The following PTPRN2 variants were observed in gnomAD, a reference collection of about 807,000 sequenced individuals.
PTPRN2 encodes the protein protein tyrosine phosphatase receptor type N2, also known as receptor-type tyrosine-protein phosphatase N2.
PTPRN2 carries 74 observed loss-of-function variants against 118.8 expected under a neutral mutation model. The observed-to-expected ratio is 0.62, with a 90% CI of 0.52 to 0.76. PTPRN2 has a LOEUF of 0.76. Among genes scored for constraint, PTPRN2 ranks in the 30% least tolerant of loss-of-function variants. The pLI is 0.00. For synonymous variants in PTPRN2, 641 were observed against 608.0 expected (o/e 1.05, Z -0.80); for missense variants, 1,481 against 1,394.4 (o/e 1.06, Z -0.99).
chr7:158,538,120 G>A (rs574481807), intron 1 of PTPRN2, among the ~76,000 whole-genome samples: 3 of 152,222 alleles, frequency 2.0e-5, no homozygotes, highest in Non-Finnish European at 4.4e-5. Context: ...CTCTCTTCCG[G>A]ACGCTGGCGG....
intron 2 of PTPRN2, among the ~76,000 whole-genome samples, chr7:158,487,781 C>T (rs1821136998): frequency 6.6e-6 from 1 of 152,126 alleles, no homozygotes; most frequent in Non-Finnish European, 1.5e-5. Flanking sequence ...CTTCTCCTAT[C>T]GCTCCCCGTC....
At chr7:157,631,996 G>A (rs925561062) in intron 14 of PTPRN2, among the ~76,000 whole-genome samples, 2 of 152,166 alleles carry the variant, frequency 1.3e-5, no homozygotes, top group Non-Finnish European at 2.9e-5. Flanking sequence ...CGTACTTTCC[G>A]AAGAGCAAAG....
intron 12 of PTPRN2, among the ~76,000 whole-genome samples, chr7:157,793,857 T>G (rs1804682113): frequency 6.6e-6 from 1 of 152,070 alleles, no homozygotes; most frequent in African/African-American, 2.4e-5. Context: ...GAAGTCAATT[T>G]CCTCCTTTGC....
intron 2 of PTPRN2, among the ~76,000 whole-genome samples, chr7:158,424,745 G>A (rs1216470130): frequency 6.6e-6 from 1 of 151,920 alleles, no homozygotes; most frequent in Admixed American, 6.5e-5. Flanking sequence ...AGAACATCTG[G>A]GGACCTCGGG....
intron 12 of PTPRN2, among the ~76,000 whole-genome samples, chr7:157,692,190 G>T (rs1207722949): frequency 1.3e-5 from 2 of 151,830 alleles, no homozygotes; most frequent in African/African-American, 4.8e-5. Context: ...GCCCGGGACA[G>T]CTGGAGACGG....
chr7:157,588,287 C>T (rs2150550011), intron 17 of PTPRN2, among the ~76,000 whole-genome samples: 1 of 152,360 alleles, frequency 6.6e-6, no homozygotes, highest in African/African-American at 2.4e-5. Flanking sequence ...GGCCAACTCC[C>T]TTCGGTTGAC....
intron 12 of PTPRN2, among the ~76,000 whole-genome samples, chr7:157,745,497 G>C (rs1800873711): frequency 6.8e-6 from 1 of 147,476 alleles, no homozygotes; most frequent in East Asian, 1.9e-4. Context: ...AGGCAGGCTG[G>C]GGGAGAGGGC....
intron 6 of PTPRN2, among the ~76,000 whole-genome samples, chr7:158,156,034 C>CAA (rs1433782645): frequency 6.6e-6 from 1 of 151,266 alleles, no homozygotes; most frequent in Non-Finnish European, 1.5e-5. Flanking sequence ...CTGGAAACAA[C>CAA]ACAAGTGTAG....
intron 2 of PTPRN2, among the ~76,000 whole-genome samples, chr7:158,468,031 G>A (rs929484925): frequency 6.6e-6 from 1 of 152,094 alleles, no homozygotes. Context: ...AAAATCTCCC[G>A]TAAATTATAA....
chr7:157,675,048 T>C (rs1796599179), intron 13 of PTPRN2, among the ~76,000 whole-genome samples: 1 of 152,182 alleles, frequency 6.6e-6, no homozygotes, highest in Admixed American at 6.5e-5. Flanking sequence ...CACCCACTCC[T>C]ACCTCCTGGT....
chr7:158,210,023 C>G (rs146977726), intron 3 of PTPRN2, among the ~76,000 whole-genome samples: 8 of 151,786 alleles, frequency 5.3e-5, no homozygotes, highest in Admixed American at 6.6e-5. Context: ...ACACAACATA[C>G]CAAAAACCTG....
At chr7:158,132,268 TAC>T (rs370186203) in intron 9 of PTPRN2, among the ~76,000 whole-genome samples, 8 of 139,364 alleles carry the variant, frequency 5.7e-5, no homozygotes, top group East Asian at 2.2e-4. Context: ...TACACACTCA[TAC>T]ACACACACAC....
At chr7:157,751,912 T>C (rs1056488911) in intron 12 of PTPRN2, among the ~76,000 whole-genome samples, 1 of 152,220 alleles carries the variant, frequency 6.6e-6, no homozygotes, top group East Asian at 1.9e-4. Flanking sequence ...CGCTTTTCGC[T>C]ATGGGCAGAT....
chr7:158,100,304 G>C (rs1378308132), intron 10 of PTPRN2, among the ~76,000 whole-genome samples: 1 of 151,288 alleles, frequency 6.6e-6, no homozygotes, highest in African/African-American at 2.4e-5. Context: ...TCTACTCATT[G>C]ATTGATGGGC....
At chr7:157,890,406 C>A (rs1156469951) in intron 12 of PTPRN2, among the ~76,000 whole-genome samples, 2 of 152,104 alleles carry the variant, frequency 1.3e-5, no homozygotes, top group African/African-American at 4.8e-5. Flanking sequence ...CTTTGGGAGG[C>A]CAAGGCAGGC....
chr7:158,169,570 C>T (rs1475910465), intron 5 of PTPRN2, among the ~76,000 whole-genome samples: 4 of 148,142 alleles, frequency 2.7e-5, no homozygotes, highest in East Asian at 2.1e-4. Flanking sequence ...CGTGAGCCAC[C>T]GCGCCTGGCC....
chr7:158,046,084 C>A (rs1808841815), intron 11 of PTPRN2, among the ~76,000 whole-genome samples: 1 of 149,014 alleles, frequency 6.7e-6, no homozygotes, highest in Non-Finnish European at 1.5e-5. Context: ...GGTGTCCTGA[C>A]ACTGCCTTGT....
chr7:158,151,436 T>C (rs1186122937), intron 6 of PTPRN2, among the ~76,000 whole-genome samples: 9 of 143,662 alleles, frequency 6.3e-5, no homozygotes, highest in African/African-American at 2.4e-4. Context: ...CGCCTTTCTA[T>C]TCCTGCCTCT....
chr7:157,742,992 T>C (rs28636508), intron 12 of PTPRN2, among the ~76,000 whole-genome samples: 34,823 of 152,198 alleles, frequency 0.23, 4,147 homozygotes, highest in Non-Finnish European at 0.25. Context: ...CAATGCTCTG[T>C]GCTAAGGCTG....
Sources: gnomAD v4.1 joint callset for allele counts (sites outside exome capture counted in the v4.1 genomes callset) on GRCh38, gnomAD v4.1.1 for gene constraint, MANE v1.5 for transcripts, NCBI Gene and HGNC (gene_info 2026-07-23, HGNC 2026-07-21) for gene names.